Variants in IL1RAPL1 observed in about 807,000 individuals in gnomAD.
IL1RAPL1 encodes interleukin-1 receptor accessory protein-like 1.
IL1RAPL1 carries 3 observed loss-of-function variants against 48.4 expected under a neutral mutation model. The ratio of observed to expected loss-of-function variants is 0.06; its 90% CI spans 0.03 to 0.16. IL1RAPL1 has a LOEUF of 0.16. Among genes scored for constraint, IL1RAPL1 ranks in the 10% least tolerant of loss-of-function variants. The pLI is 1.00. For synonymous variants in IL1RAPL1, 185 were observed against 187.7 expected, an observed-to-expected ratio of 0.99 and a Z score of 0.12; for missense variants, 349 against 530.6, an observed-to-expected ratio of 0.66 and a Z score of 3.36.
At chrX:28,828,300 A>G (rs1363720542) in intron 2 of IL1RAPL1, among the ~76,000 whole-genome samples, 1 of 111,980 alleles carries the variant, frequency 8.9e-6, no homozygotes, top group Non-Finnish European at 1.9e-5. Flanking sequence ...TTTCACTATC[A>G]TTTCAAGTAA....
rs3069570 is a variant in IL1RAPL1, at chrX:29,479,414, C to CAAAAAAAAAAAAAAA, written c.703+80109_703+80123dup. ...TGGGTGACAGAGCGAGACCCTGTCT[C>CAAAAAAAAAAAAAAA]AAAAAAAAAAAAAAAAATTAGCATT... On this transcript the variant is annotated intron_variant, in intron 5 of 10. Transcript: ENST00000378993. 2.1e-4 allele frequency among the ~76,000 whole-genome samples: 9 copies of CAAAAAAAAAAAAAAA among 42,483 alleles called. 1 individual carries two copies. Among genetic ancestry groups the CAAAAAAAAAAAAAAA allele is most frequent in the East Asian group, 2.0e-3 (2 of 990 alleles). 36.9% of individuals were successfully genotyped at this position (42,483 alleles called of 115,157 possible).
intron 6 of IL1RAPL1, among the ~76,000 whole-genome samples, chrX:29,774,239 C>T (rs2147152964): frequency 9.6e-6 from 1 of 104,442 alleles, no homozygotes; most frequent in African/African-American, 3.5e-5. Flanking sequence ...GTGATTTTAT[C>T]CCAGAAAGAA....
At chrX:29,619,012 GCTTT>G (rs889063639) in intron 5 of IL1RAPL1, among the ~76,000 whole-genome samples, 4 of 111,730 alleles carry the variant, frequency 3.6e-5, no homozygotes, top group Non-Finnish European at 7.5e-5. Flanking sequence ...ATCATTTTTA[GCTTT>G]CTATCAATGT....
intron 6 of IL1RAPL1, among the ~76,000 whole-genome samples, chrX:29,906,698 T>G (rs1436835911): frequency 1.9e-5 from 2 of 106,262 alleles, no homozygotes; most frequent in African/African-American, 6.8e-5. Context: ...TTTTTCAATT[T>G]TGTTGCTTTT....
chrX:29,196,518 T>C lies in IL1RAPL1; in HGVS notation c.83-86420T>C, dbSNP rs1456660903. Among the ~76,000 whole-genome samples the C allele has an allele frequency of 2.8e-4, 31 of 111,913 alleles. No individual in the cohort carries two copies. In the Admixed American group the frequency reaches 3.0e-3, roughly 11 times the overall value. On this transcript the variant is annotated intron_variant, in intron 2 of 10. Transcript: ENST00000378993. ...GTCTTATCCATACAAATGCTTTTGG[T>C]TTATGGGCCTGACAATGGAGGAGAT...
chrX:29,549,463 A>G (rs1189772535), intron 5 of IL1RAPL1, among the ~76,000 whole-genome samples: 2 of 111,470 alleles, frequency 1.8e-5, no homozygotes, highest in African/African-American at 6.5e-5. Flanking sequence ...TATCGTTGTT[A>G]ATATCTTACT....
chrX:29,121,027 A>T (rs1285877157), intron 2 of IL1RAPL1, among the ~76,000 whole-genome samples: 1 of 112,096 alleles, frequency 8.9e-6, no homozygotes, highest in Non-Finnish European at 1.9e-5. Context: ...AGCATGTGAC[A>T]CATCCCAAAA....
At chrX:29,663,942 T>A (rs989955221) in intron 5 of IL1RAPL1, among the ~76,000 whole-genome samples, 2 of 112,326 alleles carry the variant, frequency 1.8e-5, no homozygotes, top group African/African-American at 6.5e-5. Flanking sequence ...TCACGACAAT[T>A]CATGCAGGAA....
At chrX:29,758,739 C>T (rs188000362) in intron 6 of IL1RAPL1, among the ~76,000 whole-genome samples, 106 of 110,096 alleles carry the variant, frequency 9.6e-4, no homozygotes, top group African/African-American at 3.3e-3. Flanking sequence ...TTCTCTCATT[C>T]ATTTCACAAA....
intron 6 of IL1RAPL1, among the ~76,000 whole-genome samples, chrX:29,906,713 G>GC (rs1301112087): frequency 9.4e-6 from 1 of 106,186 alleles, no homozygotes; most frequent in Non-Finnish European, 1.9e-5. Context: ...GCTTTTCTGA[G>GC]CCCCAGTTCC....
intron 2 of IL1RAPL1, among the ~76,000 whole-genome samples, chrX:29,139,475 C>T (rs1929203449): frequency 9.0e-6 from 1 of 111,242 alleles, no homozygotes; most frequent in African/African-American, 3.3e-5. Flanking sequence ...CTTTAGCCTA[C>T]CTTTACCTTA....
At chrX:28,715,217 A>G (rs771907420) in intron 1 of IL1RAPL1, among the ~76,000 whole-genome samples, 1 of 112,685 alleles carries the variant, frequency 8.9e-6, no homozygotes, top group Non-Finnish European at 1.9e-5. Flanking sequence ...CAGTGCAGTC[A>G]AATTAAAACT....
intron 2 of IL1RAPL1, among the ~76,000 whole-genome samples, chrX:29,278,523 G>A (rs1204799412): frequency 8.9e-6 from 1 of 112,162 alleles, no homozygotes; most frequent in Non-Finnish European, 1.9e-5. Context: ...CCTCCCATCA[G>A]GGAAGGAGAG....
chrX:29,902,666 A>G (rs774084405), intron 6 of IL1RAPL1, among the ~76,000 whole-genome samples: 42 of 110,888 alleles, frequency 3.8e-4, no homozygotes, highest in Non-Finnish European at 7.4e-4. Flanking sequence ...AATAATAATA[A>G]TAATTGCTAA....
chrX:29,542,206 C>T, intron 5 of IL1RAPL1, among the ~76,000 whole-genome samples: 1 of 111,147 alleles, frequency 9.0e-6, no homozygotes, highest in Non-Finnish European at 1.9e-5. Context: ...ATCAGGTGTT[C>T]TACATGCTTT....
intron 2 of IL1RAPL1, among the ~76,000 whole-genome samples, chrX:29,263,847 TTC>T (rs1317429321): frequency 1.5e-4 from 10 of 64,828 alleles, no homozygotes; most frequent in Non-Finnish European, 1.5e-4. Context: ...CTCTCTCTCT[TTC>T]TCTCTCTCTC....
chrX:29,867,149 A>T (rs1310431136), intron 6 of IL1RAPL1, among the ~76,000 whole-genome samples: 3 of 111,809 alleles, frequency 2.7e-5, no homozygotes, highest in Non-Finnish European at 3.8e-5. Context: ...TTGGTAAAAA[A>T]AAAATAAAAT....
intron 5 of IL1RAPL1, among the ~76,000 whole-genome samples, chrX:29,578,050 G>A (rs1922835611): frequency 8.9e-6 from 1 of 111,982 alleles, no homozygotes; most frequent in African/African-American, 3.2e-5. Flanking sequence ...TAATTAGATT[G>A]TGAGGCCCAC....
intron 6 of IL1RAPL1, among the ~76,000 whole-genome samples, chrX:29,877,698 G>A (rs1319965904): frequency 8.9e-6 from 1 of 111,895 alleles, no homozygotes. Context: ...GAACGAGTAA[G>A]ATGTTAGCTA....
Sources: gnomAD v4.1 joint callset for allele counts (sites outside exome capture counted in the v4.1 genomes callset) on GRCh38, gnomAD v4.1.1 for gene constraint, MANE v1.5 for transcripts, NCBI Gene and HGNC (gene_info 2026-07-23, HGNC 2026-07-21) for gene names.